The following UNC13C variants were observed in gnomAD, a reference collection of about 807,000 sequenced individuals.
UNC13C encodes protein unc-13 homolog C.
Under a neutral mutation model 245.4 loss-of-function variants are expected in UNC13C, and 174 were observed. The observed-to-expected ratio is 0.71, with a 90% CI of 0.63 to 0.80. The LOEUF (loss-of-function observed/expected upper bound fraction) is 0.80. Ranked by LOEUF, UNC13C falls within the 30% of genes least tolerant of loss-of-function variation. The probability of loss-of-function intolerance (pLI) is 0.00; values close to 1 mark genes in which losing one functional copy is unlikely to be tolerated. For synonymous variants in UNC13C, 992 were observed against 895.1 expected (o/e 1.11, Z -1.93); for missense variants, 2,829 against 2,602.9 (o/e 1.09, Z -1.89).
intron 2 of UNC13C, among the ~76,000 whole-genome samples, chr15:54,038,536 G>T (rs905186851): frequency 4.6e-5 from 7 of 152,116 alleles, no homozygotes; most frequent in Non-Finnish European, 1.0e-4. Flanking sequence ...TACAAATGAG[G>T]TTAGCAAAAC....
At chr15:54,347,695 G>C (rs2140834434) in intron 17 of UNC13C, among the ~76,000 whole-genome samples, 1 of 152,254 alleles carries the variant, frequency 6.6e-6, no homozygotes, top group South Asian at 2.1e-4. Flanking sequence ...AGAGGAAAAT[G>C]TGCTACCTAC....
At chr15:53,888,235 T>G in the UNC13C span, among the ~76,000 whole-genome samples, 14 of 152,214 alleles carry the variant, frequency 9.2e-5, no homozygotes, top group Non-Finnish European at 5.9e-5. Context: ...GACTTTTTAA[T>G]GATCACCATT....
chr15:54,503,983 T>C (rs1267617226), intron 22 of UNC13C, among the ~76,000 whole-genome samples: 1 of 152,164 alleles, frequency 6.6e-6, no homozygotes, highest in Non-Finnish European at 1.5e-5. Flanking sequence ...GGACAATTTA[T>C]TCTTACTAAA....
At chr15:54,502,879 G>A (rs942298043) in intron 22 of UNC13C, among the ~76,000 whole-genome samples, 1 of 152,088 alleles carries the variant, frequency 6.6e-6, no homozygotes, top group East Asian at 1.9e-4. Flanking sequence ...AAAGAATGCT[G>A]AATTGAGATT....
intron 2 of UNC13C, among the ~76,000 whole-genome samples, chr15:54,106,727 G>A (rs1459676922): frequency 6.6e-6 from 1 of 152,084 alleles, no homozygotes; most frequent in Non-Finnish European, 1.5e-5. Context: ...ACATTTAATA[G>A]ATACCTACTA....
intron 2 of UNC13C, among the ~76,000 whole-genome samples, chr15:54,117,289 AT>A (rs1307925467): frequency 6.6e-6 from 1 of 151,800 alleles, no homozygotes. Flanking sequence ...ATGTAACCCA[AT>A]TTTTTTATTT....
intron 30 of UNC13C, among the ~76,000 whole-genome samples, chr15:54,598,753 TTG>T (rs1566931845): frequency 6.6e-6 from 1 of 152,154 alleles, no homozygotes; most frequent in African/African-American, 2.4e-5. Context: ...CAGAAAATAC[TTG>T]AAGCAAAAAG....
intron 2 of UNC13C, among the ~76,000 whole-genome samples, chr15:54,045,047 G>A (rs540665099): frequency 1.3e-5 from 2 of 151,988 alleles, no homozygotes; most frequent in African/African-American, 2.4e-5. Context: ...TCTTGATGGC[G>A]TCCTTTGAAA....
the UNC13C span, among the ~76,000 whole-genome samples, chr15:53,885,888 T>G: frequency 6.6e-6 from 1 of 152,204 alleles, no homozygotes; most frequent in Non-Finnish European, 1.5e-5. Context: ...GTACTCTCAT[T>G]AATAAGGTTG....
chr15:54,169,528 T>G (rs935620097), intron 4 of UNC13C, among the ~76,000 whole-genome samples: 8 of 152,158 alleles, frequency 5.3e-5, no homozygotes, highest in African/African-American at 1.9e-4. Context: ...CTTATGACAC[T>G]TCTTAGAATT....
intron 22 of UNC13C, among the ~76,000 whole-genome samples, chr15:54,505,782 G>T (rs984116075): frequency 7.7e-6 from 1 of 129,702 alleles, no homozygotes; most frequent in Admixed American, 9.2e-5. Context: ...TCGCTCTGTC[G>T]CCCAGGCTGG....
chr15:54,003,989 C>A (rs138234132), intron 1 of UNC13C, among the ~76,000 whole-genome samples: 1 of 152,078 alleles, frequency 6.6e-6, no homozygotes, highest in African/African-American at 2.4e-5. Flanking sequence ...CCAGCCTGGG[C>A]GACAGAGTGA....
At chr15:54,166,884 T>A (rs1595935694) in intron 4 of UNC13C, among the ~76,000 whole-genome samples, 1 of 152,166 alleles carries the variant, frequency 6.6e-6, no homozygotes, top group Admixed American at 6.5e-5. Context: ...GAAGTTGCAA[T>A]ATTGATAAAA....
At chr15:53,869,723 C>T in the UNC13C span, among the ~76,000 whole-genome samples, 9 of 151,840 alleles carry the variant, frequency 5.9e-5, no homozygotes, top group Middle Eastern at 3.4e-3. Context: ...AGAGTAGCAG[C>T]GGCAGCCCCC....
chr15:54,509,900 C>A (rs139323935), intron 23 of UNC13C, among the ~76,000 whole-genome samples: 1 of 152,112 alleles, frequency 6.6e-6, no homozygotes, highest in African/African-American at 2.4e-5. Flanking sequence ...TGTTTCCCTC[C>A]GGATAACTGC....
rs948373482 is a variant in UNC13C, at chr15:54,628,267, T to C, written c.*1154T>C. The C allele has an allele frequency of 6.6e-6, 1 of 152,164 alleles. No individual in the cohort carries two copies. The highest frequency in any genetic ancestry group is 6.6e-5 in the Admixed American group (1 of 15,258). 9.4% of individuals were successfully genotyped at this position (152,164 alleles called of 1,614,324 possible). A position where few individuals can be genotyped will look rare whatever the true frequency, so the allele number is the denominator to read the frequency against. On this transcript the variant is annotated 3_prime_UTR_variant, in exon 33 of 33. Coordinates refer to ENST00000260323, the MANE Select transcript of UNC13C (RefSeq NM_001080534.3). Reference sequence around the variant, plus strand: ...TTTTCTGTATTGTTATGATTTGACTTTTTAGAGTCTATGCCAAAATATATG... The same window carrying C: ...TTTTCTGTATTGTTATGATTTGACTCTTTAGAGTCTATGCCAAAATATATG...
intron 19 of UNC13C, among the ~76,000 whole-genome samples, chr15:54,461,016 A>G (rs1891816334): frequency 6.6e-6 from 1 of 152,170 alleles, no homozygotes; most frequent in Admixed American, 6.5e-5. Flanking sequence ...TATTTCTTGC[A>G]TTTTTATTCA....
the UNC13C span, among the ~76,000 whole-genome samples, chr15:53,868,138 A>G: frequency 6.6e-6 from 1 of 152,162 alleles, no homozygotes; most frequent in Admixed American, 6.5e-5. Flanking sequence ...CCTGGCCACA[A>G]GCTTTTATCA....
intron 4 of UNC13C, among the ~76,000 whole-genome samples, chr15:54,191,596 T>C (rs113805988): frequency 0.029 from 4,391 of 152,228 alleles, 216 homozygotes; most frequent in African/African-American, 0.1. Context: ...CAAATGGTGT[T>C]TCTGCTTCTA....
Sources: allele counts gnomAD v4.1 joint callset (sites outside exome capture counted in the v4.1 genomes callset), GRCh38; gene constraint gnomAD v4.1.1; transcripts MANE v1.5; gene names NCBI Gene and HGNC (gene_info 2026-07-23, HGNC 2026-07-21).